LRIG3: variants seen among roughly 807,000 people sequenced by gnomAD.
LRIG3 encodes the protein leucine-rich repeats and immunoglobulin-like domains protein 3.
In LRIG3, 76 loss-of-function variants were observed where a neutral mutation model predicts 114.5. The observed-to-expected ratio is 0.66, with a 90% CI of 0.55 to 0.80. LRIG3 has a LOEUF of 0.80. LRIG3 is among the 30% of genes least tolerant of loss of function. LRIG3 has a pLI of 0.00. For missense variants in LRIG3, 1,239 were observed against 1,382.8 expected, an observed-to-expected ratio of 0.90 and a Z score of 1.65; for synonymous variants, 512 against 519.8, an observed-to-expected ratio of 0.98 and a Z score of 0.20.
At chr12:58,906,197 A>C (rs575577916) in intron 3 of LRIG3, among the ~76,000 whole-genome samples, 2 of 152,290 alleles carry the variant, frequency 1.3e-5, no homozygotes, top group African/African-American at 4.8e-5. Context: ...ACTGTGGCTA[A>C]AGCTGCTCCT....
chr12:58,918,046 A>AT (rs1872543618), intron 1 of LRIG3, among the ~76,000 whole-genome samples: 1 of 152,344 alleles, frequency 6.6e-6, no homozygotes, highest in South Asian at 2.1e-4. Flanking sequence ...TCCAGACCAC[A>AT]TGGTTTGGTG....
At chr12:58,885,715 T>C (rs969629864) in intron 10 of LRIG3, 116 bp downstream of exon 10, 3 of 544,822 alleles carry the variant, frequency 5.5e-6, no homozygotes, top group African/African-American at 1.9e-5. Context: ...ATATATTTTA[T>C]GGAACCGGAA....
In LRIG3 at chr12:58,872,795, C is replaced by T. The variant is rs1410084222; in HGVS notation, c.3137G>A (p.Arg1046Lys). 6.2e-7 allele frequency: 1 copy of T among 1,612,648 alleles called. No individual in the cohort carries two copies. Among genetic ancestry groups the T allele is most frequent in the Middle Eastern group, 1.7e-4 (1 of 6,060 alleles). Residue 1046 changes from arginine (R) to lysine (K), a missense_variant, in exon 19 of 19, where the codon AGG (arginine) becomes AAG (lysine). Arg to Lys is a conservative substitution (Grantham distance 26). Coordinates refer to ENST00000320743, the MANE Select transcript of LRIG3 (RefSeq NM_153377.5). ...TGAATAGGCATCTAGGTGAGGTCTC[C>T]TGAGAGCTTTTCCAAAGGTACCTGA... Reference protein sequence around the residue: ...SFMGTFGKALRRPHLDAYSSF... With the variant: ...SFMGTFGKALKRPHLDAYSSF...
chr12:58,885,718 A>G (rs575060079), intron 10 of LRIG3, 113 bp downstream of exon 10: 123 of 581,210 alleles, frequency 2.1e-4, no homozygotes, highest in African/African-American at 2.0e-3. Flanking sequence ...TATTTTATGG[A>G]ACCGGAAGGA....
intron 1 of LRIG3, chr12:58,919,400 C>T: frequency 9.7e-6 from 15 of 1,551,490 alleles, no homozygotes; most frequent in Non-Finnish European, 1.2e-5. Flanking sequence ...CCAGTCTTTA[C>T]AATCTGGTTG....
In LRIG3 at chr12:58,908,579, T is replaced by A. The variant is rs111509468; in HGVS notation, c.383+5403A>T. Among the ~76,000 whole-genome samples the A allele has an allele frequency of 1.2e-3, 186 of 152,342 alleles. 1 individual carries two copies. Among genetic ancestry groups the A allele is most frequent in the African/African-American group, 3.8e-3 (157 of 41,572 alleles). On this transcript the variant is annotated intron_variant, in intron 3 of 18. Transcript: ENST00000320743. The stretch of plus-strand genomic sequence containing the variant: ...AGCTGAATCCTTGTGTTAAGTGACT[T>A]CTCTTGTTCTTTTTTTACTTTTAAT...
intron 3 of LRIG3, among the ~76,000 whole-genome samples, chr12:58,904,926 G>A (rs1872003168): frequency 6.6e-6 from 1 of 152,154 alleles, no homozygotes; most frequent in Non-Finnish European, 1.5e-5. Context: ...CTTATATGAT[G>A]ATAAAGTAGA....
At chr12:58,892,698 T>C (rs1268601951) in intron 3 of LRIG3, among the ~76,000 whole-genome samples, 2 of 152,234 alleles carry the variant, frequency 1.3e-5, no homozygotes, top group Non-Finnish European at 2.9e-5. Context: ...CCAAGCCCTA[T>C]GCTAAACACT....
At chr12:58,881,942 T>C (rs955441324) in intron 12 of LRIG3, among the ~76,000 whole-genome samples, 1 of 152,206 alleles carries the variant, frequency 6.6e-6, no homozygotes, top group Admixed American at 6.5e-5. Flanking sequence ...TAAAAAACTA[T>C]GAAACAAGGA....
In LRIG3 at chr12:58,920,368, T is replaced by G. The variant is rs1180605222; in HGVS notation, c.-133A>C. 2 of 585,116 alleles carry G rather than the reference T, an allele frequency of 3.4e-6. No homozygotes were observed. The highest frequency in any genetic ancestry group is 5.2e-6 in the Non-Finnish European group (2 of 386,292). The allele number at this position is 585,116 out of a possible 1,614,324, so 36.2% of individuals were successfully genotyped here. ...CGCGCTCCTCCCTCGCGCTGCCCGGTCAATTCCTTCTTTTACTCCCGGCGG... is the reference window on the plus strand; with the variant it reads ...CGCGCTCCTCCCTCGCGCTGCCCGGGCAATTCCTTCTTTTACTCCCGGCGG... On this transcript the variant is annotated 5_prime_UTR_variant, in exon 1 of 19. Transcript: ENST00000320743.
intron 1 of LRIG3, among the ~76,000 whole-genome samples, chr12:58,915,945 G>T (rs1165246755): frequency 6.6e-6 from 1 of 152,126 alleles, no homozygotes; most frequent in African/African-American, 2.4e-5. Context: ...GTCTCATTTG[G>T]ACCCACTTAA....
At chr12:58,917,918 A>G (rs1231766879) in intron 1 of LRIG3, among the ~76,000 whole-genome samples, 4 of 152,246 alleles carry the variant, frequency 2.6e-5, no homozygotes, top group Non-Finnish European at 5.9e-5. Flanking sequence ...ATTCTAAAAT[A>G]CCAAATAACA....
intron 3 of LRIG3, among the ~76,000 whole-genome samples, chr12:58,906,859 T>C (rs930268642): frequency 9.9e-5 from 15 of 151,936 alleles, no homozygotes; most frequent in Non-Finnish European, 2.1e-4. Flanking sequence ...TAAATGACTT[T>C]AATGAATGAA....
At chr12:58,900,659 T>A (rs1871812394) in intron 3 of LRIG3, among the ~76,000 whole-genome samples, 1 of 152,208 alleles carries the variant, frequency 6.6e-6, no homozygotes, top group Admixed American at 6.5e-5. Context: ...ACATAAAGAA[T>A]TTTCACTTCA....
intron 3 of LRIG3, among the ~76,000 whole-genome samples, chr12:58,896,498 T>G (rs11172805): frequency 0.075 from 11,340 of 152,214 alleles, 468 homozygotes; most frequent in East Asian, 0.11. Context: ...TGTTGAATAA[T>G]GTATATCTGT....
At chr12:58,884,507 C>G (rs780316971) in intron 10 of LRIG3, among the ~76,000 whole-genome samples, 1 of 152,224 alleles carries the variant, frequency 6.6e-6, no homozygotes, top group Non-Finnish European at 1.5e-5. Context: ...TCCACTAATT[C>G]CACGTTCCCA....
intron 10 of LRIG3, among the ~76,000 whole-genome samples, chr12:58,884,057 A>C (rs144051585): frequency 7.2e-5 from 11 of 152,346 alleles, no homozygotes; most frequent in African/African-American, 2.6e-4. Context: ...ACAACCCAAA[A>C]TATGATGGTA....
rs1425773141 is a variant in LRIG3 at position 58,874,346 on chromosome 12, G to C, written c.2840-16C>G. 3 of 1,606,924 alleles carry C rather than the reference G, an allele frequency of 1.9e-6. No individual in the cohort carries two copies. The African/African-American group carries it at 4.0e-5, about 22-fold the overall frequency. On this transcript the variant is annotated splice_polypyrimidine_tract_variant and intron_variant, in intron 17 of 18. Transcript: ENST00000320743. ...GGACTGCAACCTTTTTAATATGGGG[G>C]CAGTAACAGAAGGAGATTACAGTTA...
intron 3 of LRIG3, among the ~76,000 whole-genome samples, chr12:58,898,657 C>T (rs1209036518): frequency 1.3e-5 from 2 of 151,990 alleles, no homozygotes; most frequent in African/African-American, 2.4e-5. Flanking sequence ...TAATCCTTTT[C>T]TCCCTTGTTT....
Sources: allele counts gnomAD v4.1 joint callset (sites outside exome capture counted in the v4.1 genomes callset), GRCh38; gene constraint gnomAD v4.1.1; transcripts MANE v1.5; gene names NCBI Gene and HGNC (gene_info 2026-07-23, HGNC 2026-07-21).